The following THSD4 variants were observed in gnomAD, a reference collection of about 807,000 sequenced individuals.
The protein encoded by THSD4 is thrombospondin type 1 domain containing 4, also known as thrombospondin type-1 domain-containing protein 4.
THSD4 carries 69 observed loss-of-function variants against 119.0 expected under a neutral mutation model. The observed-to-expected ratio is 0.58, with a 90% CI of 0.48 to 0.71. The LOEUF is 0.71. THSD4 is among the 30% of genes least tolerant of loss of function. The pLI, the probability that THSD4 is intolerant of heterozygous loss-of-function variation, is 0.00. For missense variants in THSD4, 1,393 were observed against 1,391.1 expected, an observed-to-expected ratio of 1.00 and a Z score of -0.02; for synonymous variants, 524 against 540.4, an observed-to-expected ratio of 0.97 and a Z score of 0.42.
chr15:71,630,707 GTC>G (rs962199913), intron 7 of THSD4, among the ~76,000 whole-genome samples: 1 of 152,166 alleles, frequency 6.6e-6, no homozygotes, highest in African/African-American at 2.4e-5. Context: ...TTCCAGGAGG[GTC>G]TCTCCCAGCT....
intron 8 of THSD4, among the ~76,000 whole-genome samples, chr15:71,678,199 T>C (rs531802464): frequency 6.6e-6 from 1 of 152,356 alleles, no homozygotes; most frequent in South Asian, 2.1e-4. Context: ...TTTTGTGATA[T>C]GTTAGATCAC....
intron 7 of THSD4, among the ~76,000 whole-genome samples, chr15:71,542,308 T>C (rs766935381): frequency 1.3e-5 from 2 of 152,246 alleles, no homozygotes; most frequent in Non-Finnish European, 2.9e-5. Context: ...TGGAATATTC[T>C]TTGATACTCC....
At chr15:71,172,709 AT>A (rs2043390171) in intron 3 of THSD4, among the ~76,000 whole-genome samples, 2 of 113,576 alleles carry the variant, frequency 1.8e-5, no homozygotes, top group Non-Finnish European at 3.5e-5. Context: ...ATATATATAT[AT>A]ATATATATAT....
upstream of THSD4, chr15:71,113,818 G>A (rs1462009671): frequency 6.6e-6 from 1 of 152,020 alleles, no homozygotes; most frequent in African/African-American, 2.4e-5. Flanking sequence ...TATTAGTTTT[G>A]CTTTTTTAAA....
At chr15:71,672,199 C>G (rs1379238328) in intron 8 of THSD4, among the ~76,000 whole-genome samples, 2 of 152,166 alleles carry the variant, frequency 1.3e-5, no homozygotes, top group African/African-American at 4.8e-5. Context: ...AGAGGTCCTT[C>G]ACATCCCTTG....
chr15:71,097,913 G>A (rs1040339314), intron 1 of THSD4, among the ~76,000 whole-genome samples: 6 of 151,948 alleles, frequency 3.9e-5, no homozygotes, highest in Non-Finnish European at 5.9e-5. Context: ...AGGTATGAGC[G>A]TCCCTCTGTG....
intron 4 of THSD4, among the ~76,000 whole-genome samples, chr15:71,217,769 A>G (rs910970581): frequency 6.6e-6 from 1 of 151,026 alleles, no homozygotes; most frequent in African/African-American, 2.4e-5. Context: ...TTAAATATCC[A>G]TCCTGTACCA....
intron 6 of THSD4, among the ~76,000 whole-genome samples, chr15:71,394,850 T>C (rs1313684486): frequency 6.6e-6 from 1 of 152,194 alleles, no homozygotes; most frequent in Non-Finnish European, 1.5e-5. Flanking sequence ...TTAATAAAAT[T>C]AATGTGAGTC....
At chr15:71,746,670 C>T (rs1379036470) in intron 12 of THSD4, among the ~76,000 whole-genome samples, 168 bp from the exon 13 acceptor site, 5 of 152,256 alleles carry the variant, frequency 3.3e-5, no homozygotes, top group Non-Finnish European at 7.3e-5. Context: ...GCTGGGATTA[C>T]AGGCGTGCGC....
chr15:71,349,708 A>C (rs928108565), intron 6 of THSD4, among the ~76,000 whole-genome samples: 8 of 152,210 alleles, frequency 5.3e-5, no homozygotes, highest in African/African-American at 1.9e-4. Context: ...TTGCTGAGTT[A>C]GTTTTTGATT....
intron 7 of THSD4, among the ~76,000 whole-genome samples, chr15:71,468,885 TCTG>T (rs1262947478): frequency 4.6e-5 from 7 of 152,246 alleles, no homozygotes; most frequent in African/African-American, 1.7e-4. Context: ...GCACACTACT[TCTG>T]CTCCCATCCT....
chr15:71,300,434 T>A (rs1233355959), intron 6 of THSD4, among the ~76,000 whole-genome samples: 1 of 152,190 alleles, frequency 6.6e-6, no homozygotes, highest in Non-Finnish European at 1.5e-5. Flanking sequence ...TCAGGGGCTT[T>A]CAAAGCCACA....
At chr15:71,209,756 C>A (rs988335895) in intron 3 of THSD4, among the ~76,000 whole-genome samples, 5 of 152,134 alleles carry the variant, frequency 3.3e-5, no homozygotes, top group African/African-American at 1.2e-4. Context: ...TATGTAGGTC[C>A]CACAATTCCC....
At chr15:71,286,792 C>G (rs1032827294) in intron 6 of THSD4, among the ~76,000 whole-genome samples, 2 of 152,188 alleles carry the variant, frequency 1.3e-5, no homozygotes, top group Non-Finnish European at 2.9e-5. Context: ...ATTTCTTTTT[C>G]TCCACAACCT....
chr15:71,696,656 G>A (rs1595871406), intron 8 of THSD4, among the ~76,000 whole-genome samples: 1 of 152,108 alleles, frequency 6.6e-6, no homozygotes, highest in Non-Finnish European at 1.5e-5. Context: ...ATCAAAAAAG[G>A]GAGAAAGGAA....
chr15:71,256,710 C>T lies in THSD4; in HGVS notation c.1010C>T (p.Ala337Val), dbSNP rs1285714444. The change falls in exon 6 of 18, where the codon GCA (alanine) becomes GTA (valine). Residue 337 changes from alanine (A) to valine (V), a missense_variant. Coordinates refer to ENST00000261862, the MANE Select transcript of THSD4 (RefSeq NM_024817.3). ...CGGTTTTATGAGTGGGAACCATTTGCAGAAGGTAAGAATAGACCCAGCCCT... is the reference window on the plus strand; with the variant it reads ...CGGTTTTATGAGTGGGAACCATTTGTAGAAGGTAAGAATAGACCCAGCCCT... ...MGRFYEWEPF[A>V]EVKGNRKCEL... 4 of 1,613,400 alleles carry T rather than the reference C, an allele frequency of 2.5e-6. No individual in the cohort carries two copies. The highest frequency in any genetic ancestry group is 2.2e-5 in the East Asian group (1 of 44,860).
intron 4 of THSD4, among the ~76,000 whole-genome samples, chr15:71,237,601 A>G (rs113326755): frequency 0.011 from 1,644 of 152,310 alleles, 11 homozygotes; most frequent in Middle Eastern, 0.02. Context: ...GACCCGCTGA[A>G]GCAGAAGCTG....
intron 7 of THSD4, among the ~76,000 whole-genome samples, chr15:71,466,405 G>C (rs2047501186): frequency 6.6e-6 from 1 of 151,570 alleles, no homozygotes; most frequent in South Asian, 2.1e-4. Context: ...AAAAGGGTCA[G>C]ACATGGTTAT....
At chr15:71,583,345 T>C (rs2049595168) in intron 7 of THSD4, among the ~76,000 whole-genome samples, 1 of 152,130 alleles carries the variant, frequency 6.6e-6, no homozygotes, top group Non-Finnish European at 1.5e-5. Context: ...TGTTTGTCTT[T>C]TCAGAAACCC....
Sources: allele counts gnomAD v4.1 joint callset (sites outside exome capture counted in the v4.1 genomes callset), GRCh38; gene constraint gnomAD v4.1.1; transcripts MANE v1.5; gene names NCBI Gene and HGNC (gene_info 2026-07-23, HGNC 2026-07-21).